FRMPD2: variants seen among roughly 807,000 people sequenced by gnomAD.
FRMPD2 encodes FERM and PDZ domain containing 2.
In FRMPD2, 96 loss-of-function variants were observed where a neutral mutation model predicts 140.1. That is an observed-to-expected ratio of 0.69 (90% CI 0.58 to 0.81). The LOEUF (loss-of-function observed/expected upper bound fraction) is 0.81. Ranked by LOEUF, FRMPD2 falls within the 40% of genes least tolerant of loss-of-function variation. The pLI, the probability that FRMPD2 is intolerant of heterozygous loss-of-function variation, is 0.00. For synonymous variants in FRMPD2, 449 were observed against 547.6 expected (o/e 0.82, Z 2.52); for missense variants, 1,240 against 1,447.4 (o/e 0.86, Z 2.32).
intron 12 of FRMPD2, among the ~76,000 whole-genome samples, chr10:48,217,166 T>G (rs979008404): frequency 6.6e-6 from 1 of 152,212 alleles, no homozygotes; most frequent in East Asian, 1.9e-4. Flanking sequence ...TGGATTACTG[T>G]TATCTGTAGT....
intron 21 of FRMPD2, among the ~76,000 whole-genome samples, chr10:48,179,617 G>A (rs1429998672): frequency 6.6e-6 from 1 of 151,700 alleles, no homozygotes; most frequent in Non-Finnish European, 1.5e-5. Context: ...AAATACACGT[G>A]GATGCTTTTC....
intron 16 of FRMPD2, among the ~76,000 whole-genome samples, chr10:48,191,640 C>A (rs1467665042): frequency 6.6e-6 from 1 of 152,154 alleles, no homozygotes; most frequent in Non-Finnish European, 1.5e-5. Flanking sequence ...TCAAATGAAT[C>A]ATCCATACCC....
intron 20 of FRMPD2, among the ~76,000 whole-genome samples, chr10:48,184,149 C>T (rs1838617847): frequency 6.6e-6 from 1 of 151,328 alleles, no homozygotes; most frequent in Non-Finnish European, 1.5e-5. Context: ...TTGTCTCCTC[C>T]CCAGCTGATT....
chr10:48,182,188 G>T (rs1001922352), intron 20 of FRMPD2, among the ~76,000 whole-genome samples: 1 of 152,108 alleles, frequency 6.6e-6, no homozygotes, highest in Non-Finnish European at 1.5e-5. Flanking sequence ...GCAGGGAGTG[G>T]CAGGGCCACT....
At chr10:48,170,306 C>T (rs1246451585) in intron 26 of FRMPD2, among the ~76,000 whole-genome samples, 16 of 152,176 alleles carry the variant, frequency 1.1e-4, no homozygotes, top group East Asian at 1.9e-4. Flanking sequence ...TGCCATGGGA[C>T]GACTACAACC....
At chr10:48,168,158 G>C (rs1838149130) in intron 27 of FRMPD2, among the ~76,000 whole-genome samples, 1 of 140,750 alleles carries the variant, frequency 7.1e-6, no homozygotes, top group South Asian at 2.2e-4. Context: ...CTATTTTCCT[G>C]ATTCCAATGG....
intron 15 of FRMPD2, among the ~76,000 whole-genome samples, chr10:48,200,967 C>A (rs1236116599): frequency 6.6e-6 from 1 of 152,182 alleles, no homozygotes; most frequent in Non-Finnish European, 1.5e-5. Context: ...AGAGGACGTG[C>A]ACTTTTTAAG....
intron 5 of FRMPD2, 81 bp downstream of exon 5, chr10:48,242,080 A>T: frequency 2.0e-6 from 2 of 982,652 alleles, no homozygotes; most frequent in Non-Finnish European, 1.5e-6. Flanking sequence ...TATTTTAGTT[A>T]ATGATAATAT....
chr10:48,231,956 A>G (rs557978201), intron 10 of FRMPD2, among the ~76,000 whole-genome samples, 159 bp downstream of exon 10: 1 of 152,344 alleles, frequency 6.6e-6, no homozygotes, highest in Non-Finnish European at 1.5e-5. Context: ...TTTATCCATG[A>G]GTACTTGAAG....
At chr10:48,198,967 T>G (rs748307953) in intron 15 of FRMPD2, among the ~76,000 whole-genome samples, 1 of 152,178 alleles carries the variant, frequency 6.6e-6, no homozygotes, top group African/African-American at 2.4e-5. Context: ...GAAGCCATAA[T>G]CCTAAGCAAA....
intron 13 of FRMPD2, among the ~76,000 whole-genome samples, chr10:48,209,492 AG>A (rs1839271567): frequency 1.3e-5 from 2 of 152,346 alleles, no homozygotes; most frequent in African/African-American, 4.8e-5. Context: ...CTGGGGACCA[AG>A]AGCTAGCCTC....
intron 21 of FRMPD2, among the ~76,000 whole-genome samples, chr10:48,179,674 A>G (rs1202088427): frequency 6.6e-6 from 1 of 151,972 alleles, no homozygotes; most frequent in Non-Finnish European, 1.5e-5. Context: ...TGATGAAGCT[A>G]AGATGAGTAG....
rs149110775 is a variant in FRMPD2 at position 48,229,774 on chromosome 10, C to T, written c.1168+2341G>A. 4.9e-3 allele frequency among the ~76,000 whole-genome samples: 738 copies of T among 152,154 alleles called. 4 individuals are homozygous for T. The highest frequency in any genetic ancestry group is 0.017 in the African/African-American group (695 of 41,530). On this transcript the variant is annotated intron_variant, in intron 10 of 28. Coordinates refer to ENST00000374201, the MANE Select transcript of FRMPD2 (RefSeq NM_001018071.4). ...CTCTCTTCAGATTTTTAACCATGGC[C>T]ATTCTAAGTCCTTATCATCCATGGA...
intron 7 of FRMPD2, among the ~76,000 whole-genome samples, chr10:48,238,680 TAAATAAATCACCC>T (rs1226040648): frequency 1.3e-5 from 2 of 152,178 alleles, no homozygotes; most frequent in Non-Finnish European, 2.9e-5. Context: ...ACCATGTGAA[TAAATAAATCACCC>T]AAACTTCAAA....
At chr10:48,226,760 T>A in intron 10 of FRMPD2, among the ~76,000 whole-genome samples, 1 of 152,270 alleles carries the variant, frequency 6.6e-6, no homozygotes, top group Non-Finnish European at 1.5e-5. Context: ...TAACTGTTTT[T>A]TGTCCAACCC....
intron 1 of FRMPD2, among the ~76,000 whole-genome samples, chr10:48,269,248 T>G (rs183823852): frequency 5.3e-4 from 80 of 152,358 alleles, no homozygotes; most frequent in African/African-American, 1.8e-3. Context: ...GGCCCTCTCA[T>G]AACACCCATT....
intron 15 of FRMPD2, among the ~76,000 whole-genome samples, chr10:48,200,194 AAATAAAACAGAGCC>A (rs963491310): frequency 8.3e-6 from 1 of 121,166 alleles, no homozygotes; most frequent in Non-Finnish European, 2.0e-5. Context: ...ATAAATAAAT[AAATAAAACAGAGCC>A]AAGCAACCAT....
chr10:48,180,311 C>T (rs1838512582), intron 21 of FRMPD2, among the ~76,000 whole-genome samples: 1 of 152,122 alleles, frequency 6.6e-6, no homozygotes, highest in African/African-American at 2.4e-5. Context: ...AAAGAGACGG[C>T]AGAGGACAGC....
chr10:48,222,144 G>A (rs758617498), intron 12 of FRMPD2, among the ~76,000 whole-genome samples, 169 bp downstream of exon 12: 12 of 151,722 alleles, frequency 7.9e-5, no homozygotes, highest in Admixed American at 1.3e-4. Flanking sequence ...ATGGATGGAT[G>A]GATGGATGGA....
Sources: gnomAD v4.1 joint callset for allele counts (sites outside exome capture counted in the v4.1 genomes callset) on GRCh38, gnomAD v4.1.1 for gene constraint, MANE v1.5 for transcripts, NCBI Gene and HGNC (gene_info 2026-07-23, HGNC 2026-07-21) for gene names.